Variants in EVI5 observed in about 807,000 individuals in gnomAD.
EVI5 encodes ecotropic viral integration site 5.
EVI5 carries 73 observed loss-of-function variants against 112.0 expected under a neutral mutation model. The observed-to-expected ratio is 0.65, with a 90% CI of 0.54 to 0.79. The LOEUF (loss-of-function observed/expected upper bound fraction) is 0.79, where lower values mean the gene tolerates loss of function less well. Among genes scored for constraint, EVI5 ranks in the 30% least tolerant of loss-of-function variants. EVI5 has a pLI of 0.00. For synonymous variants in EVI5, 305 were observed against 319.9 expected (o/e 0.95, Z 0.50); for missense variants, 900 against 968.8 (o/e 0.93, Z 0.94).
chr1:92,655,910 G>C (rs1662919998), intron 13 of EVI5, among the ~76,000 whole-genome samples: 2 of 150,568 alleles, frequency 1.3e-5, no homozygotes, highest in South Asian at 4.4e-4. Flanking sequence ...AAAAAGAAAA[G>C]AAAACCAAAG....
intron 16 of EVI5, among the ~76,000 whole-genome samples, chr1:92,620,588 T>G (rs923292571): frequency 6.6e-6 from 1 of 152,134 alleles, no homozygotes; most frequent in Non-Finnish European, 1.5e-5. Flanking sequence ...CTGGCTGGCA[T>G]GGTTTCTGAC....
At chr1:92,676,223 G>T (rs998824308) in intron 10 of EVI5, among the ~76,000 whole-genome samples, 1 of 151,942 alleles carries the variant, frequency 6.6e-6, no homozygotes, top group Non-Finnish European at 1.5e-5. Context: ...TTTTGAGGAG[G>T]ACCAAGGCAG....
At chr1:92,626,249 T>G (rs905948288) in intron 14 of EVI5, among the ~76,000 whole-genome samples, 2 of 152,188 alleles carry the variant, frequency 1.3e-5, no homozygotes, top group Admixed American at 1.3e-4. Context: ...ACCAATCTAC[T>G]TTTTGTTTCC....
intron 18 of EVI5, among the ~76,000 whole-genome samples, chr1:92,565,826 C>T (rs1361452962): frequency 2.7e-5 from 4 of 150,904 alleles, no homozygotes; most frequent in Admixed American, 1.3e-4. Flanking sequence ...AACGATTAGC[C>T]GGGTGTGGTA....
chr1:92,583,931 A>G (rs1021979169), intron 18 of EVI5, among the ~76,000 whole-genome samples: 3 of 152,192 alleles, frequency 2.0e-5, no homozygotes, highest in African/African-American at 4.8e-5. Flanking sequence ...TAACAGAAAC[A>G]ATTAGTAATC....
chr1:92,722,353 T>C (rs946261541), intron 2 of EVI5, among the ~76,000 whole-genome samples: 1 of 152,262 alleles, frequency 6.6e-6, no homozygotes, highest in Admixed American at 6.5e-5. Context: ...TTAGGGTACA[T>C]GTGCACAACG....
Position 92,577,570 on chromosome 1 carries a change from T to A in EVI5, c.2071-13833A>T, listed in dbSNP as rs571543621. Among the ~76,000 whole-genome samples the A allele has an allele frequency of 8.7e-4, 133 of 152,314 alleles. 1 individual carries two copies. In the South Asian group the frequency reaches 0.025, roughly 28 times the overall value. ...AGATGCCTTCTTCAAACTGTTGGGA[T>A]CACTTTAAATACACAACAAAGCCTT... On this transcript the variant is annotated intron_variant, in intron 18 of 19. Coordinates refer to ENST00000684568, the MANE Select transcript of EVI5 (RefSeq NM_001350197.2).
intron 9 of EVI5, among the ~76,000 whole-genome samples, chr1:92,680,150 C>T (rs1667363607): frequency 6.6e-6 from 1 of 152,068 alleles, no homozygotes; most frequent in Non-Finnish European, 1.5e-5. Context: ...ATTTGGATCA[C>T]GCCACACCCA....
Position 92,624,279 on chromosome 1 carries a change from ATAGCATTTTTCT to A in EVI5, c.1712_1723del (p.Lys571_Ala574del). 1 of 1,613,394 alleles carries A rather than the reference ATAGCATTTTTCT, an allele frequency of 6.2e-7. No homozygotes were observed. Among genetic ancestry groups the A allele is most frequent in the Non-Finnish European group, 8.5e-7 (1 of 1,179,438 alleles). Reference sequence around the variant, plus strand: ...CATCAGTTCATCTTGTAACTCATTCATAGCATTTTTCTTGGGTGGGTCTTTCCATCTCCCAGT... The same window carrying A: ...CATCAGTTCATCTTGTAACTCATTCATGGGTGGGTCTTTCCATCTCCCAGT... On this transcript the variant is annotated inframe_deletion, in exon 16 of 20. Transcript: ENST00000684568.
chr1:92,702,806 C>CAA (rs374337779), intron 4 of EVI5, among the ~76,000 whole-genome samples: 5,005 of 80,902 alleles, frequency 0.062, 287 homozygotes, highest in African/African-American at 0.16. Flanking sequence ...AACTCCATCT[C>CAA]AAAAAAAAAA....
At chr1:92,608,706 A>C (rs925806611) in intron 16 of EVI5, among the ~76,000 whole-genome samples, 5 of 60,778 alleles carry the variant, frequency 8.2e-5, no homozygotes, top group Admixed American at 2.4e-4. Flanking sequence ...TGTCTCAGAG[A>C]AAAAAAAAGG....
intron 18 of EVI5, among the ~76,000 whole-genome samples, chr1:92,569,744 C>T (rs1399034699): frequency 6.6e-6 from 1 of 150,400 alleles, no homozygotes; most frequent in African/African-American, 2.5e-5. Flanking sequence ...ATCCCAGCTA[C>T]TCAGGAGGTT....
chr1:92,696,874 T>TA (rs984884807), intron 6 of EVI5, among the ~76,000 whole-genome samples: 6 of 151,620 alleles, frequency 4.0e-5, no homozygotes, highest in African/African-American at 1.2e-4. Flanking sequence ...CCATCTCTAC[T>TA]AAAAAAATAC....
chr1:92,608,565 ATGG>A (rs1233499792), intron 16 of EVI5, among the ~76,000 whole-genome samples: 1 of 152,098 alleles, frequency 6.6e-6, no homozygotes, highest in East Asian at 1.9e-4. Context: ...TTAGTCAGGC[ATGG>A]TGGTGCACGT....
chr1:92,638,602 G>A (rs1452423966), intron 13 of EVI5, among the ~76,000 whole-genome samples: 1 of 152,098 alleles, frequency 6.6e-6, no homozygotes, highest in Non-Finnish European at 1.5e-5. Flanking sequence ...TTTAATGTTT[G>A]ACAGAAATGA....
chr1:92,663,746 G>GT (rs898601386), intron 11 of EVI5, among the ~76,000 whole-genome samples: 1 of 151,872 alleles, frequency 6.6e-6, no homozygotes, highest in African/African-American at 2.4e-5. Context: ...TGTTTGTTTT[G>GT]TTTTTTTAAA....
intron 7 of EVI5, 117 bp downstream of exon 7, chr1:92,695,193 T>C: frequency 1.4e-6 from 1 of 732,242 alleles, no homozygotes; most frequent in East Asian, 2.6e-5. Context: ...ATTATCCATG[T>C]AAGCAGTTTT....
At chr1:92,784,699 G>A (rs1045841938) in intron 1 of EVI5, 137 bp downstream of exon 1, 103 of 552,698 alleles carry the variant, frequency 1.9e-4, no homozygotes, top group Non-Finnish European at 2.2e-4. Context: ...GGGGCCAGGC[G>A]CGCCCGCCCC....
intron 2 of EVI5, among the ~76,000 whole-genome samples, chr1:92,734,337 G>A (rs550947604): frequency 4.8e-4 from 73 of 152,274 alleles, no homozygotes; most frequent in African/African-American, 1.6e-3. Flanking sequence ...ATTACGGTCC[G>A]TGTATAAATA....
Sources: allele counts gnomAD v4.1 joint callset (sites outside exome capture counted in the v4.1 genomes callset), GRCh38; gene constraint gnomAD v4.1.1; transcripts MANE v1.5; gene names NCBI Gene and HGNC (gene_info 2026-07-23, HGNC 2026-07-21).